The following SP3 variants were observed in gnomAD, a reference collection of about 807,000 sequenced individuals.
SP3 encodes the protein Sp3 transcription factor.
Under a neutral mutation model 70.3 loss-of-function variants are expected in SP3, and 10 were observed. The observed-to-expected ratio is 0.14, with a 90% CI of 0.09 to 0.24. The LOEUF is 0.24. SP3 is among the 10% of genes least tolerant of loss of function. The pLI, the probability that SP3 is intolerant of heterozygous loss-of-function variation, is 1.00. For synonymous variants in SP3, 402 were observed against 333.5 expected (o/e 1.21, Z -2.24); for missense variants, 825 against 914.6 (o/e 0.90, Z 1.26).
chr2:173,964,160 C>T (rs1034438116), intron 2 of SP3: 2 of 391,490 alleles, frequency 5.1e-6, no homozygotes, highest in Non-Finnish European at 9.0e-6. Flanking sequence ...AACCCACCCC[C>T]GGGAGGGCAC....
At position 173,904,637 on chromosome 2, in the gene SP3, C is replaced by T. The variant is rs1284054630; in HGVS notation, c.*5304G>A. Among the ~76,000 whole-genome samples, 1 of 152,190 alleles carries T rather than the reference C, an allele frequency of 6.6e-6. No homozygotes were observed. The highest frequency in any genetic ancestry group is 2.4e-5 in the African/African-American group (1 of 41,444). On this transcript the variant is annotated 3_prime_UTR_variant, in exon 7 of 7. Transcript: ENST00000310015. ...GTGACCTCCCAAGACATCAGTTTTC[C>T]AATTCCAAATTCTCAGGAGAAATCA...
intron 4 of SP3, among the ~76,000 whole-genome samples, chr2:173,951,906 T>C (rs1445280061): frequency 6.6e-6 from 1 of 152,230 alleles, no homozygotes; most frequent in Non-Finnish European, 1.5e-5. Context: ...TGTTAGCACA[T>C]TACATTAAAA....
chr2:173,943,646 C>T (rs1690444347), intron 4 of SP3, among the ~76,000 whole-genome samples: 1 of 152,146 alleles, frequency 6.6e-6, no homozygotes, highest in Admixed American at 6.6e-5. Context: ...TTATTTTCTT[C>T]ATAACACTAA....
chr2:173,907,030 C>T lies in SP3; in HGVS notation c.*2911G>A, dbSNP rs903387985. 2 of 152,158 alleles carry T rather than the reference C, an allele frequency of 1.3e-5. No homozygotes were observed. The highest frequency in any genetic ancestry group is 4.8e-5 in the African/African-American group (2 of 41,438). 9.4% of individuals were successfully genotyped at this position (152,158 alleles called of 1,614,324 possible). ...TGAAAGACCAAAGTTATTTACAGGG[C>T]ATCTGACTTTCTGCGGTAGGTGTAG... On this transcript the variant is annotated 3_prime_UTR_variant, in exon 7 of 7. Coordinates refer to ENST00000310015, the MANE Select transcript of SP3 (RefSeq NM_003111.5).
chr2:173,942,135 T>C (rs181992068), intron 4 of SP3, among the ~76,000 whole-genome samples: 2 of 152,340 alleles, frequency 1.3e-5, no homozygotes, highest in Non-Finnish European at 2.9e-5. Flanking sequence ...CACTTCAAAA[T>C]CACTTTGGGA....
intron 4 of SP3, among the ~76,000 whole-genome samples, chr2:173,932,324 T>G (rs1050715642): frequency 1.3e-5 from 2 of 152,212 alleles, no homozygotes; most frequent in African/African-American, 4.8e-5. Flanking sequence ...CCCAAGTGGC[T>G]GGGATTACAG....
At chr2:173,958,998 T>C (rs929105869) in intron 3 of SP3, among the ~76,000 whole-genome samples, 1 of 152,164 alleles carries the variant, frequency 6.6e-6, no homozygotes, top group Non-Finnish European at 1.5e-5. Flanking sequence ...TTGAAAAACA[T>C]CCATTAAAAT....
chr2:173,960,937 C>A (rs1460966693), intron 3 of SP3, among the ~76,000 whole-genome samples: 1 of 152,126 alleles, frequency 6.6e-6, no homozygotes, highest in East Asian at 1.9e-4. Context: ...GATCGCGCCA[C>A]TGCACTCCAG....
chr2:173,918,844 G>A, intron 4 of SP3, 59 bp from the exon 5 acceptor site: 1 of 1,432,588 alleles, frequency 7.0e-7, no homozygotes, highest in Non-Finnish European at 9.5e-7. Context: ...CAAAAAGACA[G>A]CATGAAATTA....
chr2:173,953,701 G>A (rs764997143), intron 4 of SP3, among the ~76,000 whole-genome samples: 4 of 151,808 alleles, frequency 2.6e-5, no homozygotes, highest in Non-Finnish European at 5.9e-5. Context: ...CCAGAAGGCA[G>A]AGGTTGCAGT....
At chr2:173,912,851 A>G (rs1689525965) in intron 6 of SP3, among the ~76,000 whole-genome samples, 1 of 152,218 alleles carries the variant, frequency 6.6e-6, no homozygotes, top group Admixed American at 6.5e-5. Flanking sequence ...AGCCACCCAA[A>G]GTCTACTTAA....
intron 4 of SP3, among the ~76,000 whole-genome samples, chr2:173,928,089 CT>C (rs1170235193): frequency 6.6e-6 from 1 of 152,192 alleles, no homozygotes; most frequent in African/African-American, 2.4e-5. Flanking sequence ...CCCATCATCC[CT>C]TCTACTGTAC....
rs1336744620 is a variant in SP3, at chr2:173,955,836, TCTG to T, written c.673_675del (p.Gln225del). 1.2e-6 allele frequency: 2 copies of T among 1,614,218 alleles called. No individual in the cohort carries two copies. The highest frequency in any genetic ancestry group is 1.3e-5 in the African/African-American group (1 of 75,058). The stretch of plus-strand genomic sequence containing the variant: ...ACTTGACCAGTCTGTGGTATGAGAT[TCTG>T]GATGTTAGCAGAAGGTGTTCCAGAG... On this transcript the variant is annotated inframe_deletion, in exon 4 of 7. Transcript: ENST00000310015.
At chr2:173,959,922 T>C (rs1182395241) in intron 3 of SP3, among the ~76,000 whole-genome samples, 1 of 152,092 alleles carries the variant, frequency 6.6e-6, no homozygotes, top group African/African-American at 2.4e-5. Flanking sequence ...ACCGGACAAT[T>C]AACAAACAAA....
In SP3 at chr2:173,963,741, G is replaced by T; in HGVS notation, c.279+20C>A. The T allele has an allele frequency of 1.0e-6, 1 of 989,984 alleles. No individual in the cohort carries two copies. Among genetic ancestry groups the T allele is most frequent in the Non-Finnish European group, 1.2e-6 (1 of 818,120 alleles). 61.3% of individuals were successfully genotyped at this position (989,984 alleles called of 1,614,324 possible). On this transcript the variant is annotated intron_variant, in intron 3 of 6. Transcript: ENST00000310015. The stretch of plus-strand genomic sequence containing the variant: ...GCGGGCGCCCGGCCTCGGCGGGGGC[G>T]GGCCGCGCGCGGGACTTACCGCTCC...
chr2:173,939,165 G>A (rs970858898), intron 4 of SP3, among the ~76,000 whole-genome samples: 1 of 152,138 alleles, frequency 6.6e-6, no homozygotes. Context: ...CCAGTATCTG[G>A]CATGCACAGC....
chr2:173,908,766 A>G lies in SP3; in HGVS notation c.*1175T>C, dbSNP rs1319822520. 1 of 152,398 alleles carries G rather than the reference A, an allele frequency of 6.6e-6. No homozygotes were observed. The highest frequency in any genetic ancestry group is 1.9e-4 in the East Asian group (1 of 5,208). 9.4% of individuals were successfully genotyped at this position (152,398 alleles called of 1,614,324 possible). On this transcript the variant is annotated 3_prime_UTR_variant, in exon 7 of 7. Coordinates refer to ENST00000310015, the MANE Select transcript of SP3 (RefSeq NM_003111.5). ...TGTACATTTTTGAATTGAAAATATAAACAATAATTAAAAAATAAAAAGAAA... is the reference window on the plus strand; with the variant it reads ...TGTACATTTTTGAATTGAAAATATAGACAATAATTAAAAAATAAAAAGAAA...
rs199624356 is a variant in SP3, at chr2:173,917,990, GT to G, written c.1832+602del. Among the ~76,000 whole-genome samples, 99 of 136,906 alleles carry G rather than the reference GT, an allele frequency of 7.2e-4. No individual in the cohort carries two copies. In the South Asian group the frequency reaches 0.016, roughly 23 times the overall value. 89.8% of individuals were successfully genotyped at this position (136,906 alleles called of 152,430 possible). ...TATAATTAACATCAGTCTGGATCTT[GT>G]TTTTTTTTTTAAAAAAAATATGATC... is the stretch of plus-strand genomic sequence containing the variant. On this transcript the variant is annotated intron_variant, in intron 5 of 6. Transcript: ENST00000310015.
chr2:173,956,130 G>C lies in SP3; in HGVS notation c.382C>G (p.Gln128Glu), dbSNP rs762609063. ...TIKDEAGNLV[Q>E]IPSAATSSGQ... ...CTTGAAGTAGCAGCACTTGGAATCT[G>C]GACTAGATTACCAGCTTCATCTTTT... Residue 128 changes from glutamine (Q) to glutamate (E), a missense_variant, in exon 4 of 7, where the codon CAG becomes GAG. Transcript: ENST00000310015. 3.7e-6 allele frequency: 6 copies of C among 1,614,120 alleles called. No homozygotes were observed. The highest frequency in any genetic ancestry group is 5.1e-6 in the Non-Finnish European group (6 of 1,180,002).
Sources: allele counts gnomAD v4.1 joint callset (sites outside exome capture counted in the v4.1 genomes callset), GRCh38; gene constraint gnomAD v4.1.1; transcripts MANE v1.5; gene names NCBI Gene and HGNC (gene_info 2026-07-23, HGNC 2026-07-21).